Variants in GSTCD observed in about 807,000 individuals in gnomAD.
GSTCD encodes glutathione S-transferase C-terminal domain containing.
Under a neutral mutation model 68.3 loss-of-function variants are expected in GSTCD, and 44 were observed. The observed-to-expected ratio is 0.64, with a 90% CI of 0.51 to 0.83. The LOEUF is 0.83. Ranked by LOEUF, GSTCD falls within the 40% of genes least tolerant of loss-of-function variation. The pLI, the probability that GSTCD is intolerant of heterozygous loss-of-function variation, is 0.00. For missense variants in GSTCD, 739 were observed against 735.9 expected (o/e 1.00, Z -0.05); for synonymous variants, 273 against 255.2 (o/e 1.07, Z -0.67).
chr4:105,737,597 A>G (rs1733503276), intron 5 of GSTCD, among the ~76,000 whole-genome samples: 1 of 152,160 alleles, frequency 6.6e-6, no homozygotes, highest in Admixed American at 6.5e-5. Context: ...TTCTTCTAGT[A>G]GTTTTATAGT....
rs182273934 is a variant in GSTCD, at chr4:105,749,916, A to G, written c.1240+20417A>G. Among the ~76,000 whole-genome samples the G allele has an allele frequency of 3.7e-3, 571 of 152,314 alleles. 3 individuals are homozygous for G. Among genetic ancestry groups the G allele is most frequent in the Non-Finnish European group, 6.4e-3 (434 of 68,010 alleles). On this transcript the variant is annotated intron_variant, in intron 5 of 11. Coordinates refer to ENST00000515279, the MANE Select transcript of GSTCD (RefSeq NM_001370181.1). ...AATAAAATATTTGCAAACCACAAATATTCACAAATTTGACAAAGAACTTGG... is the reference window on the plus strand; with the variant it reads ...AATAAAATATTTGCAAACCACAAATGTTCACAAATTTGACAAAGAACTTGG...
intron 5 of GSTCD, among the ~76,000 whole-genome samples, chr4:105,742,197 C>G (rs1056853559): frequency 6.6e-6 from 1 of 152,150 alleles, no homozygotes; most frequent in African/African-American, 2.4e-5. Flanking sequence ...ATTTTTTAGG[C>G]CTATCCAATC....
intron 5 of GSTCD, among the ~76,000 whole-genome samples, chr4:105,748,896 AT>A (rs1229405349): frequency 6.6e-6 from 1 of 152,060 alleles, no homozygotes; most frequent in African/African-American, 2.4e-5. Context: ...ATTGTCCATT[AT>A]GACATTAAAC....
intron 5 of GSTCD, among the ~76,000 whole-genome samples, chr4:105,813,068 G>A (rs1722819103): frequency 6.6e-6 from 1 of 152,076 alleles, no homozygotes; most frequent in African/African-American, 2.4e-5. Flanking sequence ...AGACCAGCAG[G>A]ATTCAAATCC....
chr4:105,767,590 C>A (rs959931697), intron 5 of GSTCD, among the ~76,000 whole-genome samples: 2 of 152,130 alleles, frequency 1.3e-5, no homozygotes, highest in Non-Finnish European at 2.9e-5. Context: ...AGCTTATTTA[C>A]ATTTTTGCAT....
At chr4:105,833,749 G>A (rs1723996045) in intron 8 of GSTCD, among the ~76,000 whole-genome samples, 1 of 152,094 alleles carries the variant, frequency 6.6e-6, no homozygotes, top group Non-Finnish European at 1.5e-5. Context: ...ATTATAGTAA[G>A]TATAGATATA....
rs1735259919 is a variant in GSTCD at position 105,781,218 on chromosome 4, G to A, written c.1241-41736G>A. On this transcript the variant is annotated intron_variant, in intron 5 of 11. Transcript: ENST00000515279. ...GTATTTTATTTCATCATGATATTTT[G>A]TTTCTCTTTGAACTTACTAAATTTA... Among the ~76,000 whole-genome samples the A allele has an allele frequency of 2.0e-5, 3 of 151,904 alleles. No individual in the cohort carries two copies. In the South Asian group the frequency reaches 6.2e-4, roughly 32 times the overall value.
At chr4:105,771,708 T>G (rs1734855060) in intron 5 of GSTCD, among the ~76,000 whole-genome samples, 1 of 152,144 alleles carries the variant, frequency 6.6e-6, no homozygotes, top group Non-Finnish European at 1.5e-5. Flanking sequence ...CTGAGGCCTC[T>G]GTTCTGTTCC....
Position 105,722,263 on chromosome 4 carries a change from C to T in GSTCD, c.894+2736C>T, listed in dbSNP as rs867835497. 1.6e-4 allele frequency among the ~76,000 whole-genome samples: 25 copies of T among 152,146 alleles called. 1 individual carries two copies. The highest frequency in any genetic ancestry group is 6.8e-3 in the Middle Eastern group (2 of 294). On this transcript the variant is annotated intron_variant, in intron 3 of 11. Transcript: ENST00000515279. ...GATTTTTTAGCAAAACTAAATACCT[C>T]TTCCTGTGTTCCCATCGGCATAAAG...
In GSTCD at chr4:105,783,373, C is replaced by T. The variant is rs765200532; in HGVS notation, c.1241-39581C>T. ...CTTTCTGAAACTAAACTTCCTGATACATTCTTGGTAAAATTCAGGGTGGTG... is the reference window on the plus strand; with the variant it reads ...CTTTCTGAAACTAAACTTCCTGATATATTCTTGGTAAAATTCAGGGTGGTG... On this transcript the variant is annotated intron_variant, in intron 5 of 11. Transcript: ENST00000515279. Among the ~76,000 whole-genome samples the T allele has an allele frequency of 7.2e-5, 11 of 152,280 alleles. No individual in the cohort carries two copies. In the South Asian group the frequency reaches 1.2e-3, roughly 17 times the overall value.
At chr4:105,812,100 C>A (rs1204935992) in intron 5 of GSTCD, among the ~76,000 whole-genome samples, 1 of 152,048 alleles carries the variant, frequency 6.6e-6, no homozygotes, top group Non-Finnish European at 1.5e-5. Context: ...TGTTTCAAAC[C>A]ATAAGAGGAC....
intron 5 of GSTCD, among the ~76,000 whole-genome samples, chr4:105,760,541 G>A (rs1734366642): frequency 6.6e-6 from 1 of 152,184 alleles, no homozygotes. Context: ...GACTGAGGCA[G>A]TAGATGCTGT....
At chr4:105,811,359 C>T (rs555082972) in intron 5 of GSTCD, among the ~76,000 whole-genome samples, 1 of 151,408 alleles carries the variant, frequency 6.6e-6, no homozygotes, top group Admixed American at 6.6e-5. Context: ...TGTTTAAAAC[C>T]TCAGAAAGAT....
rs753252314 is a variant in GSTCD, at chr4:105,726,829, T to C, written c.1145T>C (p.Met382Thr). 1.3e-5 allele frequency: 21 copies of C among 1,589,380 alleles called. No homozygotes were observed. Among genetic ancestry groups the C allele is most frequent in the Non-Finnish European group, 1.8e-5 (21 of 1,169,222 alleles). ...GGPRPTMAKL[M>T]EKGIEVMFSP... The stretch of plus-strand genomic sequence containing the variant: ...CCAAGACCAACCATGGCCAAGTTAA[T>C]GGTACTTAATTATTAACATTTTCTT... Residue 382 changes from methionine (M) to threonine (T), a missense_variant and splice_region_variant, in exon 4 of 12, where the codon ATG becomes ACG. Met to Thr is a moderately conservative substitution (Grantham distance 81, BLOSUM62 -1). Transcript: ENST00000515279.
chr4:105,744,423 A>G (rs1196312915), intron 5 of GSTCD, among the ~76,000 whole-genome samples: 2 of 152,214 alleles, frequency 1.3e-5, no homozygotes, highest in African/African-American at 2.4e-5. Flanking sequence ...TGCCTATGAT[A>G]GTTACAAAAT....
intron 8 of GSTCD, among the ~76,000 whole-genome samples, 194 bp from the exon 9 acceptor site, chr4:105,834,267 C>A: frequency 6.6e-6 from 1 of 152,226 alleles, no homozygotes; most frequent in Middle Eastern, 3.4e-3. Flanking sequence ...TCAAATTTTC[C>A]GTTGAATGAA....
intron 5 of GSTCD, chr4:105,746,166 A>ACTGTTGACTGG (rs1435295736): frequency 2.0e-5 from 3 of 152,162 alleles, no homozygotes; most frequent in Admixed American, 2.0e-4. Context: ...CCAATAACCT[A>ACTGTTGACTGG]AACAGTTGAT....
rs540070811 is a variant in GSTCD, at chr4:105,746,944, A to T, written c.1240+17445A>T. On this transcript the variant is annotated intron_variant, in intron 5 of 11. Transcript: ENST00000515279. ...TTGTATGTTTCTATAAACCAACAGCAGCACCCCTTCTTTCTTCTCCCAGCA... is the reference window on the plus strand; with the variant it reads ...TTGTATGTTTCTATAAACCAACAGCTGCACCCCTTCTTTCTTCTCCCAGCA... 3.3e-5 allele frequency among the ~76,000 whole-genome samples: 5 copies of T among 152,360 alleles called. No individual in the cohort carries two copies. In the South Asian group the frequency reaches 1.0e-3, roughly 32 times the overall value.
intron 1 of GSTCD, among the ~76,000 whole-genome samples, chr4:105,714,095 A>G (rs2149202377): frequency 6.6e-6 from 1 of 152,112 alleles, no homozygotes. Context: ...AAAATATATT[A>G]GAACATTCCT....
Sources: gnomAD v4.1 joint callset for allele counts (sites outside exome capture counted in the v4.1 genomes callset) on GRCh38, gnomAD v4.1.1 for gene constraint, MANE v1.5 for transcripts, NCBI Gene and HGNC (gene_info 2026-07-23, HGNC 2026-07-21) for gene names.